The following CADM1 variants were observed in gnomAD, a reference collection of about 807,000 sequenced individuals.
CADM1 encodes TSLC-1.
CADM1 carries 15 observed loss-of-function variants against 53.1 expected under a neutral mutation model. That is an observed-to-expected ratio of 0.28 (90% CI 0.19 to 0.44). CADM1 has a LOEUF of 0.44. Ranked by LOEUF, CADM1 falls within the 20% of genes least tolerant of loss-of-function variation. The pLI is 1.00. For missense variants in CADM1, 434 were observed against 611.3 expected (o/e 0.71, Z 3.06); for synonymous variants, 281 against 243.0 (o/e 1.16, Z -1.45).
chr11:115,286,193 GT>G (rs1212392143), intron 1 of CADM1, among the ~76,000 whole-genome samples: 1 of 152,082 alleles, frequency 6.6e-6, no homozygotes, highest in Non-Finnish European at 1.5e-5. Flanking sequence ...ATTGCTACTC[GT>G]TATATGCACA....
chr11:115,484,474 T>C (rs1949326498), intron 1 of CADM1, among the ~76,000 whole-genome samples: 1 of 152,228 alleles, frequency 6.6e-6, no homozygotes, highest in Non-Finnish European at 1.5e-5. Context: ...CCATTGGTCA[T>C]GTGAAATACA....
At chr11:115,352,998 C>A (rs1046413620) in intron 1 of CADM1, among the ~76,000 whole-genome samples, 2 of 152,130 alleles carry the variant, frequency 1.3e-5, no homozygotes, top group African/African-American at 4.8e-5. Context: ...TGCGTGCATG[C>A]GAACTTGATT....
At chr11:115,438,598 G>A (rs1440604351) in intron 1 of CADM1, among the ~76,000 whole-genome samples, 1 of 152,066 alleles carries the variant, frequency 6.6e-6, no homozygotes, top group Non-Finnish European at 1.5e-5. Context: ...AAAATTTATA[G>A]GCAAGTGCCA....
At chr11:115,304,350 A>G (rs921842809) in intron 1 of CADM1, among the ~76,000 whole-genome samples, 20 of 152,128 alleles carry the variant, frequency 1.3e-4, no homozygotes, top group African/African-American at 4.6e-4. Context: ...CTACCTTATC[A>G]AGCGCTTACA....
chr11:115,224,696 G>A (rs1488337190), intron 5 of CADM1, among the ~76,000 whole-genome samples: 1 of 152,134 alleles, frequency 6.6e-6, no homozygotes, highest in Non-Finnish European at 1.5e-5. Context: ...TCCATACTGA[G>A]GGTCACAGCT....
intron 8 of CADM1, among the ~76,000 whole-genome samples, chr11:115,199,152 A>G (rs1940302469): frequency 1.3e-5 from 2 of 152,166 alleles, no homozygotes; most frequent in Admixed American, 1.3e-4. Context: ...AAAGCTCTTC[A>G]TGTTAAAATC....
At chr11:115,346,533 T>A (rs1945582913) in intron 1 of CADM1, among the ~76,000 whole-genome samples, 1 of 152,136 alleles carries the variant, frequency 6.6e-6, no homozygotes, top group Admixed American at 6.5e-5. Flanking sequence ...CACACACACC[T>A]GGCCTGCTTA....
intron 1 of CADM1, among the ~76,000 whole-genome samples, chr11:115,349,087 C>A (rs1945658221): frequency 6.6e-6 from 1 of 152,190 alleles, no homozygotes; most frequent in African/African-American, 2.4e-5. Context: ...CTTTACGCAT[C>A]AAGGGGTTAT....
At chr11:115,287,246 T>C (rs976535079) in intron 1 of CADM1, among the ~76,000 whole-genome samples, 17 of 152,198 alleles carry the variant, frequency 1.1e-4, no homozygotes, top group Non-Finnish European at 1.6e-4. Context: ...GAAAACCAGG[T>C]TGATGGGGAT....
chr11:115,176,382 A>AAC lies in CADM1; in HGVS notation c.*90_*91dup. ...ACACCTTTCCACCCATTCATAAAAA[A>AAC]ACACACGAATTTCTCGCAAGTTCCA... On this transcript the variant is annotated 3_prime_UTR_variant, in exon 12 of 12. Transcript: ENST00000331581. 1 of 1,603,258 alleles carries AAC rather than the reference A, an allele frequency of 6.2e-7. No homozygotes were observed. Among genetic ancestry groups the AAC allele is most frequent in the Non-Finnish European group, 8.5e-7 (1 of 1,173,332 alleles).
At chr11:115,458,631 T>C (rs1383776344) in intron 1 of CADM1, among the ~76,000 whole-genome samples, 1 of 151,580 alleles carries the variant, frequency 6.6e-6, no homozygotes, top group Admixed American at 6.6e-5. Flanking sequence ...GGGGAGAGTG[T>C]TTTCCCCCCA....
At chr11:115,365,240 A>G (rs773523439) in intron 1 of CADM1, among the ~76,000 whole-genome samples, 6 of 137,564 alleles carry the variant, frequency 4.4e-5, no homozygotes, top group African/African-American at 1.5e-4. Context: ...ATGAAATACG[A>G]GGTAAACAGA....
chr11:115,427,642 A>G (rs1018767866), intron 1 of CADM1, among the ~76,000 whole-genome samples: 1 of 152,180 alleles, frequency 6.6e-6, no homozygotes, highest in Non-Finnish European at 1.5e-5. Context: ...CATTTTGTAA[A>G]GGGGAATATA....
intron 1 of CADM1, among the ~76,000 whole-genome samples, chr11:115,473,534 C>A (rs994606810): frequency 6.6e-6 from 1 of 152,132 alleles, no homozygotes; most frequent in African/African-American, 2.4e-5. Context: ...TACAGAACTA[C>A]ACAAATATGG....
intron 1 of CADM1, among the ~76,000 whole-genome samples, chr11:115,283,241 A>G (rs1026371331): frequency 1.3e-5 from 2 of 152,188 alleles, no homozygotes; most frequent in Non-Finnish European, 2.9e-5. Flanking sequence ...AAAAGAGGTG[A>G]TGGTAGATCT....
intron 1 of CADM1, among the ~76,000 whole-genome samples, chr11:115,293,411 C>A (rs879493836): frequency 1.3e-5 from 2 of 151,820 alleles, no homozygotes; most frequent in Non-Finnish European, 2.9e-5. Context: ...CCAGCCTGGG[C>A]GACAGAGCGA....
chr11:115,466,485 C>A (rs1157769637), intron 1 of CADM1, among the ~76,000 whole-genome samples: 42 of 152,192 alleles, frequency 2.8e-4, no homozygotes, highest in Non-Finnish European at 1.5e-5. Context: ...TCCATTAATA[C>A]AACCCAACTA....
chr11:115,211,829 A>C (rs560411099), intron 7 of CADM1, among the ~76,000 whole-genome samples: 3 of 152,194 alleles, frequency 2.0e-5, no homozygotes, highest in Admixed American at 2.0e-4. Context: ...GTGTTGACAT[A>C]AAGTGTGTGA....
intron 1 of CADM1, among the ~76,000 whole-genome samples, chr11:115,444,278 A>G (rs1948396992): frequency 6.6e-6 from 1 of 152,196 alleles, no homozygotes; most frequent in Non-Finnish European, 1.5e-5. Context: ...ATAAAAACGT[A>G]CATGTAATAA....
Sources: gnomAD v4.1 joint callset for allele counts (sites outside exome capture counted in the v4.1 genomes callset) on GRCh38, gnomAD v4.1.1 for gene constraint, MANE v1.5 for transcripts, NCBI Gene and HGNC (gene_info 2026-07-23, HGNC 2026-07-21) for gene names.